The following RNF216 variants were observed in gnomAD, a reference collection of about 807,000 sequenced individuals.
The protein encoded by RNF216 is ring finger protein 216.
RNF216 carries 72 observed loss-of-function variants against 110.8 expected under a neutral mutation model. That is an observed-to-expected ratio of 0.65 (90% CI 0.54 to 0.79). The LOEUF (loss-of-function observed/expected upper bound fraction) is 0.79, where lower values mean the gene tolerates loss of function less well. RNF216 is among the 30% of genes least tolerant of loss of function. The pLI is 0.00. For synonymous variants in RNF216, 495 were observed against 407.5 expected (o/e 1.21, Z -2.59); for missense variants, 1,342 against 1,141.2 (o/e 1.18, Z -2.54).
chr7:5,667,005 C>T (rs1401038391), intron 13 of RNF216, among the ~76,000 whole-genome samples: 1 of 151,944 alleles, frequency 6.6e-6, no homozygotes, highest in Non-Finnish European at 1.5e-5. Flanking sequence ...CCAGGTCTTG[C>T]TATGTTGCTC....
chr7:5,687,060 A>C (rs1198664454), intron 13 of RNF216, among the ~76,000 whole-genome samples: 1 of 152,224 alleles, frequency 6.6e-6, no homozygotes, highest in Non-Finnish European at 1.5e-5. Context: ...ACCACAGTCA[A>C]GTGAATGTTA....
In RNF216 at chr7:5,680,383, C is replaced by T. The variant is rs116051407; in HGVS notation, c.2062-27873G>A. 5 of 152,206 alleles carry T rather than the reference C, an allele frequency of 3.3e-5. No individual in the cohort carries two copies. The highest frequency in any genetic ancestry group is 1.2e-4 in the African/African-American group (5 of 41,416). The allele number at this position is 152,206 out of a possible 1,614,324, so 9.4% of individuals were successfully genotyped here. A position where few individuals can be genotyped will look rare whatever the true frequency, so the allele number is the denominator to read the frequency against. ...GTCCTCCACGTGGTGGGCTTGTCAG[C>T]TCACTGGTTACTCAACACTTCTTTT... On this transcript the variant is annotated intron_variant, in intron 13 of 16. Transcript: ENST00000389902. The surrounding 1 kb of genome is among the most constrained non-coding windows in gnomAD (Gnocchi z 4.3).
intron 2 of RNF216, among the ~76,000 whole-genome samples, chr7:5,754,695 C>T (rs912556212): frequency 6.6e-6 from 1 of 152,072 alleles, no homozygotes; most frequent in African/African-American, 2.4e-5. Context: ...GAAGAACTGA[C>T]CCAAGAAAAA....
chr7:5,740,591 T>C (rs1338942887), intron 4 of RNF216, among the ~76,000 whole-genome samples: 1 of 152,200 alleles, frequency 6.6e-6, no homozygotes, highest in Admixed American at 6.5e-5. Flanking sequence ...CATTTAAATG[T>C]AAACAGCCAC....
chr7:5,714,169 G>C (rs1426716755), intron 11 of RNF216, among the ~76,000 whole-genome samples: 1 of 152,080 alleles, frequency 6.6e-6, no homozygotes, highest in East Asian at 1.9e-4. Context: ...CACCATGTTG[G>C]CCAGGCTAGT....
chr7:5,701,743 C>T lies in RNF216; in HGVS notation c.2061+10018G>A, dbSNP rs773477257. ...CCTCACTGTGATGCAGCAACAGCCA[C>T]GCATTTCACTGCCATTCATGGCCTC... On this transcript the variant is annotated intron_variant, in intron 13 of 16. Coordinates refer to ENST00000389902, the MANE Select transcript of RNF216 (RefSeq NM_207111.4). Among the ~76,000 whole-genome samples, 9 of 152,196 alleles carry T rather than the reference C, an allele frequency of 5.9e-5. 1 individual carries two copies. The highest frequency in any genetic ancestry group is 4.1e-4 in the South Asian group (2 of 4,826).
chr7:5,739,449 A>G, intron 4 of RNF216, 97 bp from the exon 5 acceptor site: 1 of 1,175,212 alleles, frequency 8.5e-7, no homozygotes, highest in Non-Finnish European at 1.2e-6. Flanking sequence ...AAAATGACTA[A>G]AGACTAGAAA....
chr7:5,665,456 G>T (rs1379990337), intron 13 of RNF216, among the ~76,000 whole-genome samples: 2 of 152,142 alleles, frequency 1.3e-5, no homozygotes, highest in Admixed American at 6.5e-5. Context: ...AAGAAATCTT[G>T]AAGTGTTATT....
chr7:5,717,008 A>G (rs1793105166), intron 9 of RNF216, among the ~76,000 whole-genome samples: 1 of 152,190 alleles, frequency 6.6e-6, no homozygotes, highest in South Asian at 2.1e-4. Context: ...CTGACACATA[A>G]AACACTTTGA....
chr7:5,658,049 C>T (rs1788856183), intron 13 of RNF216, among the ~76,000 whole-genome samples: 1 of 152,214 alleles, frequency 6.6e-6, no homozygotes, highest in Non-Finnish European at 1.5e-5. Context: ...AATGTGCACG[C>T]ACACACGGCA....
chr7:5,668,413 C>T (rs983180370), intron 13 of RNF216, among the ~76,000 whole-genome samples: 3 of 151,966 alleles, frequency 2.0e-5, no homozygotes, highest in Non-Finnish European at 2.9e-5. Context: ...TTAGTAGAGA[C>T]GGGGTTTCAC....
At chr7:5,732,676 T>G (rs545378944) in intron 5 of RNF216, among the ~76,000 whole-genome samples, 1 of 152,288 alleles carries the variant, frequency 6.6e-6, no homozygotes, top group South Asian at 2.1e-4. Flanking sequence ...GCACAGAAAA[T>G]GAAGGACAAA....
chr7:5,687,504 A>C (rs1209810777), intron 13 of RNF216, among the ~76,000 whole-genome samples: 1 of 152,248 alleles, frequency 6.6e-6, no homozygotes, highest in African/African-American at 2.4e-5. Context: ...CTACTTTTGG[A>C]CAAAGATACT....
At chr7:5,732,716 CTCTGT>C (rs903956197) in intron 5 of RNF216, among the ~76,000 whole-genome samples, 9 of 152,166 alleles carry the variant, frequency 5.9e-5, no homozygotes, top group Non-Finnish European at 1.0e-4. Flanking sequence ...AAGTGGTAGC[CTCTGT>C]TCTAATATCT....
chr7:5,723,919 T>C (rs1212641216), intron 8 of RNF216, among the ~76,000 whole-genome samples: 1 of 152,194 alleles, frequency 6.6e-6, no homozygotes, highest in Non-Finnish European at 1.5e-5. Context: ...AAACTACTAA[T>C]GTAAATCAAG....
At chr7:5,666,490 G>C (rs1789533857) in intron 13 of RNF216, 1 of 152,460 alleles carries the variant, frequency 6.6e-6, no homozygotes, top group African/African-American at 2.4e-5. Context: ...GGGCAGAGCT[G>C]TAAGGTGGAG....
Position 5,652,416 on chromosome 7 carries a change from G to A in RNF216, c.2156C>T (p.Ser719Phe). 6.2e-7 allele frequency: 1 copy of A among 1,605,576 alleles called. No individual in the cohort carries two copies. Among genetic ancestry groups the A allele is most frequent in the Non-Finnish European group, 8.5e-7 (1 of 1,172,322 alleles). Residue 719 changes from serine to phenylalanine, a missense_variant, in exon 14 of 17, where the codon TCT becomes TTT. Coordinates refer to ENST00000389902, the MANE Select transcript of RNF216 (RefSeq NM_207111.4). ...AEKDDIKYRT[S>F]IEEKMTAARI... is the part of the protein sequence containing the mutation. ...CCCTCTGAATTCTGTTACTCACATA[G>A]AGGTACGGTACTTGATGTCGTCTTT...
intron 14 of RNF216, among the ~76,000 whole-genome samples, chr7:5,647,073 C>A (rs852464): frequency 1 from 152,122 of 152,122 alleles, 76,061 homozygotes; most frequent in Non-Finnish European, 1. Context: ...GCTTTCAACA[C>A]AATCCACTGG....
At chr7:5,777,234 A>G (rs1796835664) in intron 1 of RNF216, among the ~76,000 whole-genome samples, 1 of 152,220 alleles carries the variant, frequency 6.6e-6, no homozygotes, top group African/African-American at 2.4e-5. Flanking sequence ...CCAGAGAAAA[A>G]TGGCCCAGGT....
Sources: gnomAD v4.1 joint callset for allele counts (sites outside exome capture counted in the v4.1 genomes callset) on GRCh38, gnomAD v4.1.1 for gene constraint, Gnocchi (gnomAD v3.1) non-coding constraint, MANE v1.5 for transcripts, NCBI Gene and HGNC (gene_info 2026-07-23, HGNC 2026-07-21) for gene names.